ZMPSTE24: variants seen among roughly 807,000 people sequenced by gnomAD.
The protein encoded by ZMPSTE24 is zinc metallopeptidase STE24.
In ZMPSTE24, 48 loss-of-function variants were observed where a neutral mutation model predicts 56.7. The observed-to-expected ratio is 0.85, with a 90% CI of 0.67 to 1.08. The LOEUF is 1.08. Ranked by LOEUF, ZMPSTE24 falls within the 50% of genes least tolerant of loss-of-function variation. The pLI, the probability that ZMPSTE24 is intolerant of heterozygous loss-of-function variation, is 0.00. For missense variants in ZMPSTE24, 503 were observed against 548.7 expected, an observed-to-expected ratio of 0.92 and a Z score of 0.83; for synonymous variants, 172 against 195.2, an observed-to-expected ratio of 0.88 and a Z score of 0.99.
chr1:40,270,236 G>C, intron 5 of ZMPSTE24, 109 bp downstream of exon 5: 1 of 1,261,070 alleles, frequency 7.9e-7, no homozygotes, highest in Non-Finnish European at 1.1e-6. Context: ...AATATAAATA[G>C]GTGCTTATAT....
At chr1:40,270,661 C>T (rs1643605275) in intron 5 of ZMPSTE24, among the ~76,000 whole-genome samples, 1 of 152,024 alleles carries the variant, frequency 6.6e-6, no homozygotes, top group Non-Finnish European at 1.5e-5. Flanking sequence ...CTTCTCCTGT[C>T]TTCCCTTTTC....
chr1:40,279,753 G>A (rs770975099), intron 6 of ZMPSTE24, among the ~76,000 whole-genome samples: 7 of 151,898 alleles, frequency 4.6e-5, no homozygotes, highest in South Asian at 4.2e-4. Flanking sequence ...GGTTGCAGGC[G>A]TTGCAATTTT....
rs1557771613 is a variant in ZMPSTE24 at position 40,258,462 on chromosome 1, C to T, written c.123+68C>T. 2.9e-5 allele frequency: 46 copies of T among 1,609,784 alleles called. No individual in the cohort carries two copies. The East Asian group carries it at 9.6e-4, about 34-fold the overall frequency. On this transcript the variant is annotated intron_variant, in intron 1 of 9. Transcript: ENST00000372759. ...GCCCTGGAGTAGCCTTGGCTTCGAC[C>T]CTGAGACTCTTGATTGCTTCGGTCC...
intron 8 of ZMPSTE24, among the ~76,000 whole-genome samples, chr1:40,286,569 C>T (rs538497999): frequency 6.6e-6 from 1 of 151,678 alleles, no homozygotes; most frequent in Non-Finnish European, 1.5e-5. Context: ...TACAGGCACC[C>T]ACCACCATCC....
intron 8 of ZMPSTE24, among the ~76,000 whole-genome samples, chr1:40,286,289 A>G (rs1643786374): frequency 6.6e-6 from 1 of 152,240 alleles, no homozygotes; most frequent in Non-Finnish European, 1.5e-5. Context: ...AGTTTAGACT[A>G]GCACCTGGAA....
intron 3 of ZMPSTE24, 94 bp downstream of exon 3, chr1:40,267,966 A>G: frequency 9.2e-7 from 1 of 1,087,652 alleles, no homozygotes. Context: ...GCCAATGTTA[A>G]GATTTGCCTC....
intron 7 of ZMPSTE24, among the ~76,000 whole-genome samples, chr1:40,283,330 C>A (rs1369127792): frequency 6.6e-6 from 1 of 151,872 alleles, no homozygotes; most frequent in Non-Finnish European, 1.5e-5. Flanking sequence ...ATGACGAAAC[C>A]CCTGTCTCTA....
At chr1:40,271,873 A>G in intron 5 of ZMPSTE24, 21 bp from the exon 6 acceptor site, 1 of 1,612,530 alleles carries the variant, frequency 6.2e-7, no homozygotes, top group Non-Finnish European at 8.5e-7. Flanking sequence ...TTCATATGTT[A>G]TTCTGACATT....
At chr1:40,278,980 C>T (rs1193836690) in intron 6 of ZMPSTE24, among the ~76,000 whole-genome samples, 1 of 151,886 alleles carries the variant, frequency 6.6e-6, no homozygotes, top group African/African-American at 2.4e-5. Flanking sequence ...AAGACCCTGT[C>T]TCTACAAAAA....
intron 6 of ZMPSTE24, among the ~76,000 whole-genome samples, chr1:40,278,607 C>T (rs528209973): frequency 7.1e-6 from 1 of 139,896 alleles, no homozygotes; most frequent in African/African-American, 2.6e-5. Context: ...TGTAATCCAT[C>T]ATCTAACCCA....
At chr1:40,290,757 C>T (rs1371541623) in intron 8 of ZMPSTE24, 97 bp from the exon 9 acceptor site, 54 of 1,502,802 alleles carry the variant, frequency 3.6e-5, no homozygotes, top group East Asian at 4.6e-5. Flanking sequence ...CCACCGCGCC[C>T]GGCCACACTG....
At chr1:40,290,805 G>A (rs761179554) in intron 8 of ZMPSTE24, 49 bp from the exon 9 acceptor site, 18 of 1,601,344 alleles carry the variant, frequency 1.1e-5, no homozygotes, top group Admixed American at 1.7e-5. Context: ...TGATCCCATA[G>A]TGAAATCAGC....
intron 5 of ZMPSTE24, among the ~76,000 whole-genome samples, chr1:40,270,861 G>A (rs1252313115): frequency 6.6e-6 from 1 of 152,158 alleles, no homozygotes; most frequent in Non-Finnish European, 1.5e-5. Flanking sequence ...GCTTATGCCT[G>A]TAATCCTGGC....
rs752358319 is a variant in ZMPSTE24 at position 40,272,047 on chromosome 1, T to C, written c.769+12T>C. On this transcript the variant is annotated intron_variant, in intron 6 of 9. Coordinates refer to ENST00000372759, the MANE Select transcript of ZMPSTE24 (RefSeq NM_005857.5). ...GTATGTTGTGGAAGGTAAGGCTACC[T>C]GGGGATAAGAAAGTTTTATCCAAGT... 2.0e-5 allele frequency: 32 copies of C among 1,589,638 alleles called. No individual in the cohort carries two copies. Among genetic ancestry groups the C allele is most frequent in the Non-Finnish European group, 2.6e-5 (30 of 1,168,040 alleles).
At chr1:40,288,870 A>G (rs140519368) in intron 8 of ZMPSTE24, among the ~76,000 whole-genome samples, 3 of 152,088 alleles carry the variant, frequency 2.0e-5, no homozygotes, top group South Asian at 4.2e-4. Flanking sequence ...ATTAGGATAT[A>G]TATCCTTGCC....
chr1:40,268,338 A>G (rs1643577154), intron 3 of ZMPSTE24, 81 bp from the exon 4 acceptor site: 1 of 905,550 alleles, frequency 1.1e-6, no homozygotes, highest in African/African-American at 1.6e-5. Flanking sequence ...GGGATGTAGT[A>G]AGTAAGTGCT....
intron 2 of ZMPSTE24, among the ~76,000 whole-genome samples, chr1:40,262,176 A>G (rs541653531): frequency 6.6e-6 from 1 of 152,342 alleles, no homozygotes; most frequent in African/African-American, 2.4e-5. Flanking sequence ...GGTAAATGAC[A>G]GAATTGTCTA....
At chr1:40,272,096 T>A in intron 6 of ZMPSTE24, 61 bp downstream of exon 6, 1 of 1,464,980 alleles carries the variant, frequency 6.8e-7, no homozygotes, top group Non-Finnish European at 9.1e-7. Context: ...TGATACTTTA[T>A]TCTTAAAATT....
intron 2 of ZMPSTE24, among the ~76,000 whole-genome samples, chr1:40,266,155 T>A (rs1643546708): frequency 6.6e-6 from 1 of 152,154 alleles, no homozygotes; most frequent in Non-Finnish European, 1.5e-5. Context: ...CATACATAAA[T>A]CACTATATTA....
Sources: allele counts gnomAD v4.1 joint callset (sites outside exome capture counted in the v4.1 genomes callset), GRCh38; gene constraint gnomAD v4.1.1; transcripts MANE v1.5; gene names NCBI Gene and HGNC (gene_info 2026-07-23, HGNC 2026-07-21).